Variants in SYTL1 observed in about 807,000 individuals in gnomAD.
SYTL1 encodes synaptotagmin like 1, also known as synaptotagmin-like protein 1.
SYTL1 carries 53 observed loss-of-function variants against 74.6 expected under a neutral mutation model. That is an observed-to-expected ratio of 0.71 (90% CI 0.57 to 0.89). SYTL1 has a LOEUF of 0.89. Ranked by LOEUF, SYTL1 falls within the 40% of genes least tolerant of loss-of-function variation. The probability of loss-of-function intolerance (pLI) is 0.00; values close to 1 mark genes in which losing one functional copy is unlikely to be tolerated. For missense variants in SYTL1, 728 were observed against 768.7 expected (o/e 0.95, Z 0.63); for synonymous variants, 329 against 324.9 (o/e 1.01, Z -0.14).
In SYTL1 at chr1:27,350,534, CCTT is replaced by C; in HGVS notation, c.1005+51_1005+53del. 1 of 1,504,540 alleles carries C rather than the reference CCTT, an allele frequency of 6.6e-7. No homozygotes were observed. 93.2% of individuals were successfully genotyped at this position (1,504,540 alleles called of 1,614,324 possible). A position where few individuals can be genotyped will look rare whatever the true frequency, so the allele number is the denominator to read the frequency against. On this transcript the variant is annotated intron_variant, in intron 10 of 14. Transcript: ENST00000616558. The surrounding 1 kb of genome is among the most constrained non-coding windows in gnomAD (Gnocchi z 6.3). Reference sequence around the variant, plus strand: ...TTCCCCGTTAATGAACTGGACGCCCCCTTCCTGCGGGGCTAGGTGGCAAGGGCA... The same window carrying C: ...TTCCCCGTTAATGAACTGGACGCCCCCCTGCGGGGCTAGGTGGCAAGGGCA...
Position 27,350,339 on chromosome 1 carries a change from G to C in SYTL1, c.909-50G>C, listed in dbSNP as rs982429284. ...TGGCTGGGGGAGCCCACAGGCAGGG[G>C]AGAAGGCTCTGGGAGGGCCCCTCCT... On this transcript the variant is annotated intron_variant, in intron 9 of 14. Coordinates refer to ENST00000616558, the MANE Select transcript of SYTL1 (RefSeq NM_001193308.2). This position sits in a 1 kb window ranked among gnomAD's most constrained non-coding sequence, Gnocchi z 6.3. 4 of 1,561,426 alleles carry C rather than the reference G, an allele frequency of 2.6e-6. No homozygotes were observed. Among genetic ancestry groups the C allele is most frequent in the South Asian group, 1.1e-5 (1 of 90,084 alleles).
Position 27,348,977 on chromosome 1 carries a change from T to G in SYTL1, c.460-103T>G, listed in dbSNP as rs1406922757. ...CGGAGGGCTGCCCTAAACCTGAAACTGGGGTAGCTGGCTGGAGCCCTATGA... is the reference window on the plus strand; with the variant it reads ...CGGAGGGCTGCCCTAAACCTGAAACGGGGGTAGCTGGCTGGAGCCCTATGA... On this transcript the variant is annotated intron_variant, in intron 5 of 14. Coordinates refer to ENST00000616558, the MANE Select transcript of SYTL1 (RefSeq NM_001193308.2). This position sits in a 1 kb window ranked among gnomAD's most constrained non-coding sequence, Gnocchi z 4.1. 8 of 913,284 alleles carry G rather than the reference T, an allele frequency of 8.8e-6. No individual in the cohort carries two copies. Among genetic ancestry groups the G allele is most frequent in the Non-Finnish European group, 1.4e-5 (8 of 591,820 alleles). 56.6% of individuals were successfully genotyped at this position (913,284 alleles called of 1,614,324 possible).
At position 27,350,023 on chromosome 1, in the gene SYTL1, C is replaced by T; in HGVS notation, c.799C>T (p.Arg267Cys). Residue 267 changes from arginine to cysteine, a missense_variant, in exon 9 of 15, where the codon CGC (arginine) becomes TGC (cysteine). Physicochemically the swap from Arg to Cys is radical, Grantham distance 180. Coordinates refer to ENST00000616558, the MANE Select transcript of SYTL1 (RefSeq NM_001193308.2). The surrounding 1 kb of genome is among the most constrained non-coding windows in gnomAD (Gnocchi z 6.3). ...LSGDAEAVQV[R>C]GSVHFALHYE... ...AGGCGACGCGGAGGCGGTGCAGGTCCGCGGCTCCGTGCACTTCGCGCTGCA... is the reference window on the plus strand; with the variant it reads ...AGGCGACGCGGAGGCGGTGCAGGTCTGCGGCTCCGTGCACTTCGCGCTGCA... 6.4e-7 allele frequency: 1 copy of T among 1,552,154 alleles called. No individual in the cohort carries two copies. The highest frequency in any genetic ancestry group is 1.2e-5 in the South Asian group (1 of 85,320).
chr1:27,351,451 C>A lies in SYTL1; in HGVS notation c.1244-5C>A. 2 of 1,523,218 alleles carry A rather than the reference C, an allele frequency of 1.3e-6. No homozygotes were observed. The highest frequency in any genetic ancestry group is 1.2e-5 in the South Asian group (1 of 80,528). The allele number at this position is 1,523,218 out of a possible 1,614,324, so 94.4% of individuals were successfully genotyped here. ...TGTGCGGGCCTGAGCCGAGCCTCTC[C>A]GCAGGCGCAGGACTGCCCCCGAGCG... On this transcript the variant is annotated splice_region_variant and splice_polypyrimidine_tract_variant and intron_variant, in intron 12 of 14. Coordinates refer to ENST00000616558, the MANE Select transcript of SYTL1 (RefSeq NM_001193308.2). The surrounding 1 kb of genome is among the most constrained non-coding windows in gnomAD (Gnocchi z 5.0).
intron 8 of SYTL1, 83 bp from the exon 9 acceptor site, chr1:27,349,889 C>G: frequency 6.5e-7 from 1 of 1,539,398 alleles, no homozygotes; most frequent in East Asian, 2.4e-5. Context: ...CACCTATGAC[C>G]CGGGTCTGAA....
rs771758096 is a variant in SYTL1 at position 27,353,362 on chromosome 1, C to T, written c.1423C>T (p.His475Tyr). The change falls in exon 14 of 15, where the codon CAC becomes TAC. Residue 475 changes from histidine to tyrosine, a missense_variant. His to Tyr is a moderately conservative substitution (Grantham distance 83). Coordinates refer to ENST00000616558, the MANE Select transcript of SYTL1 (RefSeq NM_001193308.2). The part of the protein sequence containing the change: ...VRRSLSPVFN[H>Y]TMVYDGFGPA... Reference sequence around the variant, plus strand: ...ACGCAGCCTCAGCCCTGTGTTCAATCACACCATGGTGTACGATGGCTTTGG... The same window carrying T: ...ACGCAGCCTCAGCCCTGTGTTCAATTACACCATGGTGTACGATGGCTTTGG... The T allele has an allele frequency of 1.9e-6, 3 of 1,611,414 alleles. No individual in the cohort carries two copies. The highest frequency in any genetic ancestry group is 2.2e-5 in the South Asian group (2 of 90,266).
chr1:27,353,153 G>A lies in SYTL1; in HGVS notation c.1344-130G>A, dbSNP rs1031488899. 9.9e-6 allele frequency: 9 copies of A among 908,252 alleles called. No individual in the cohort carries two copies. In the African/African-American group the frequency reaches 1.5e-4, roughly 15 times the overall value. The allele number at this position is 908,252 out of a possible 1,614,324, so 56.3% of individuals were successfully genotyped here. ...GGTGCAAAGGTCCCAGGGCAGTGAG[G>A]GTCTAAGGCCAGGCAGGCAGGAGCC... On this transcript the variant is annotated intron_variant, in intron 13 of 14. Transcript: ENST00000616558.
rs780387116 is a variant in SYTL1, at chr1:27,350,110, G to A, written c.886G>A (p.Ala296Thr). Reference protein sequence around the residue: ...HVIQCQGLAAARRRRSDPYVK... With the variant: ...HVIQCQGLAATRRRRSDPYVK... The stretch of plus-strand genomic sequence containing the variant: ...GATCCAGTGCCAGGGCCTGGCCGCC[G>A]CCCGGCGCCGCCGCTCGGACCCGTG... The change falls in exon 9 of 15, where the codon GCC becomes ACC. Residue 296 changes from alanine to threonine, a missense_variant. Physicochemically the swap from Ala to Thr is moderately conservative, Grantham distance 58 (BLOSUM62 0). Coordinates refer to ENST00000616558, the MANE Select transcript of SYTL1 (RefSeq NM_001193308.2). The surrounding 1 kb of genome is among the most constrained non-coding windows in gnomAD (Gnocchi z 6.3). 1 of 1,393,818 alleles carries A rather than the reference G, an allele frequency of 7.2e-7. No individual in the cohort carries two copies. Among genetic ancestry groups the A allele is most frequent in the Middle Eastern group, 1.9e-4 (1 of 5,246 alleles). The allele number at this position is 1,393,818 out of a possible 1,614,324, so 86.3% of individuals were successfully genotyped here. A position where few individuals can be genotyped will look rare whatever the true frequency, so the allele number is the denominator to read the frequency against.
In SYTL1 at chr1:27,350,061, C is replaced by G. The variant is rs1230235165; in HGVS notation, c.837C>G (p.Gly279=). ...ACTTCGCGCTGCACTACGAGCCGGG[C>G]GCCGCCGAGCTGCGCGTGCACGTGA... ...SVHFALHYEP[G]AAELRVHVIQ... is the part of the protein sequence containing the mutation. Residue 279 remains glycine (G), a synonymous_variant, in exon 9 of 15, where the codon GGC becomes GGG. Coordinates refer to ENST00000616558, the MANE Select transcript of SYTL1 (RefSeq NM_001193308.2). This position sits in a 1 kb window ranked among gnomAD's most constrained non-coding sequence, Gnocchi z 6.3. The G allele has an allele frequency of 1.3e-6, 2 of 1,506,200 alleles. No individual in the cohort carries two copies. The highest frequency in any genetic ancestry group is 2.9e-5 in the African/African-American group (2 of 68,712). 93.3% of individuals were successfully genotyped at this position (1,506,200 alleles called of 1,614,324 possible). A position where few individuals can be genotyped will look rare whatever the true frequency, so the allele number is the denominator to read the frequency against.
intron 1 of SYTL1, among the ~76,000 whole-genome samples, chr1:27,344,359 TC>T (rs2014904428): frequency 6.6e-6 from 1 of 152,022 alleles, no homozygotes; most frequent in South Asian, 2.1e-4. Flanking sequence ...CGCCTTGGCA[TC>T]CCAAAGTGCT....
At position 27,353,794 on chromosome 1, in the gene SYTL1, C is replaced by T. The variant is rs760912371; in HGVS notation, c.1631C>T (p.Pro544Leu). The T allele has an allele frequency of 3.1e-5, 50 of 1,614,016 alleles. No homozygotes were observed. Among genetic ancestry groups the T allele is most frequent in the Non-Finnish European group, 3.9e-5 (46 of 1,179,934 alleles). Residue 544 changes from proline (P) to leucine (L), a missense_variant, in exon 15 of 15, where the codon CCG (proline) becomes CTG (leucine). Pro to Leu is a moderately conservative substitution (Grantham distance 98). Transcript: ENST00000616558. ...KQLWQALLEQ[P>L]CEWVDGLLPL... ...CTGTGGCAAGCCCTCCTGGAGCAGC[C>T]GTGCGAATGGGTGGATGGCCTTCTA...
rs750491261 is a variant in SYTL1 at position 27,349,132 on chromosome 1, A to C, written c.512A>C (p.Glu171Ala). The C allele has an allele frequency of 3.1e-6, 5 of 1,613,848 alleles. No individual in the cohort carries two copies. The highest frequency in any genetic ancestry group is 4.2e-6 in the Non-Finnish European group (5 of 1,179,846). The change falls in exon 6 of 15, where the codon GAG (glutamate) becomes GCG (alanine). Residue 171 changes from glutamate (E) to alanine (A), a missense_variant. By Grantham distance (107) the Glu-to-Ala change is moderately radical (BLOSUM62 -1). Transcript: ENST00000616558. ...CCCCTAAAGGCTTCAGATCCTGAGG[A>C]GGCGTCCCAGGCCCAGGAAGGTGAG... ...SVPLKASDPEEASQAQEDPGQ... is the reference protein window; with the variant it reads ...SVPLKASDPEAASQAQEDPGQ...
Position 27,350,055 on chromosome 1 carries a change from G to A in SYTL1, c.831G>A (p.Glu277=). The change falls in exon 9 of 15, where the codon GAG becomes GAA. Residue 277 remains glutamate (E), a synonymous_variant. Coordinates refer to ENST00000616558, the MANE Select transcript of SYTL1 (RefSeq NM_001193308.2). This position sits in a 1 kb window ranked among gnomAD's most constrained non-coding sequence, Gnocchi z 6.3. ...RGSVHFALHY[E]PGAAELRVHV... ...CCGTGCACTTCGCGCTGCACTACGA[G>A]CCGGGCGCCGCCGAGCTGCGCGTGC... 12 of 1,510,846 alleles carry A rather than the reference G, an allele frequency of 7.9e-6. No individual in the cohort carries two copies. Among genetic ancestry groups the A allele is most frequent in the Non-Finnish European group, 1.1e-5 (12 of 1,138,120 alleles). 93.6% of individuals were successfully genotyped at this position (1,510,846 alleles called of 1,614,324 possible).
chr1:27,349,883 T>TATGACCC, intron 8 of SYTL1, 89 bp from the exon 9 acceptor site: 1 of 1,537,380 alleles, frequency 6.5e-7, no homozygotes, highest in Non-Finnish European at 8.7e-7. Context: ...GCCTGCCACC[T>TATGACCC]ATGACCCGGG....
Position 27,351,404 on chromosome 1 carries a change from TG to T in SYTL1, c.1244-47del. On this transcript the variant is annotated intron_variant, in intron 12 of 14. Coordinates refer to ENST00000616558, the MANE Select transcript of SYTL1 (RefSeq NM_001193308.2). The surrounding 1 kb of genome is among the most constrained non-coding windows in gnomAD (Gnocchi z 5.0). ...AGCGGGAGACTCCAGTCCCCGGGTT[TG>T]GGGGCGGTGGACTCCATCCGTGTGC... 6.6e-7 allele frequency: 1 copy of T among 1,504,656 alleles called. No homozygotes were observed. Among genetic ancestry groups the T allele is most frequent in the Non-Finnish European group, 8.9e-7 (1 of 1,121,176 alleles). The allele number at this position is 1,504,656 out of a possible 1,614,324, so 93.2% of individuals were successfully genotyped here.
rs1483273656 is a variant in SYTL1 at position 27,351,654 on chromosome 1, TG to T, written c.1343+102del. 3 of 804,196 alleles carry T rather than the reference TG, an allele frequency of 3.7e-6. No homozygotes were observed. The highest frequency in any genetic ancestry group is 5.8e-6 in the Non-Finnish European group (3 of 519,274). 49.8% of individuals were successfully genotyped at this position (804,196 alleles called of 1,614,324 possible). A position where few individuals can be genotyped will look rare whatever the true frequency, so the allele number is the denominator to read the frequency against. On this transcript the variant is annotated intron_variant, in intron 13 of 14. Transcript: ENST00000616558. The surrounding 1 kb of genome is among the most constrained non-coding windows in gnomAD (Gnocchi z 5.0). ...CTAATCAACCTTTGATCACGCAGCCTGGGCTTTCACCACTGAGCAGGGGTGA... is the reference window on the plus strand; with the variant it reads ...CTAATCAACCTTTGATCACGCAGCCTGGCTTTCACCACTGAGCAGGGGTGA...
rs2015249490 is a variant in SYTL1 at position 27,351,054 on chromosome 1, C to A, written c.1164+102C>A. The A allele has an allele frequency of 1.4e-6, 2 of 1,429,798 alleles. No individual in the cohort carries two copies. Among genetic ancestry groups the A allele is most frequent in the Middle Eastern group, 2.4e-4 (1 of 4,212 alleles). 88.6% of individuals were successfully genotyped at this position (1,429,798 alleles called of 1,614,324 possible). A position where few individuals can be genotyped will look rare whatever the true frequency, so the allele number is the denominator to read the frequency against. On this transcript the variant is annotated intron_variant, in intron 11 of 14. Coordinates refer to ENST00000616558, the MANE Select transcript of SYTL1 (RefSeq NM_001193308.2). This position sits in a 1 kb window ranked among gnomAD's most constrained non-coding sequence, Gnocchi z 5.0. ...CCCTCACACCCCGCCTTCGACAGAA[C>A]CTCCCCTCAACCTCTTAACCTCATG... is the stretch of plus-strand genomic sequence containing the variant.
chr1:27,352,382 G>A (rs1459332864), intron 13 of SYTL1: 1 of 152,112 alleles, frequency 6.6e-6, no homozygotes, highest in Non-Finnish European at 1.5e-5. Context: ...AGGGGTGGTG[G>A]TGGAGCAACA....
chr1:27,347,530 C>T lies in SYTL1; in HGVS notation c.301C>T (p.Leu101Phe). 1.2e-6 allele frequency: 2 copies of T among 1,614,114 alleles called. No homozygotes were observed. Among genetic ancestry groups the T allele is most frequent in the Non-Finnish European group, 1.7e-6 (2 of 1,180,046 alleles). ...CCACAATGCCCACTTCGGCTCTGAC[C>T]TTGTCCGAGCGTCTATGCGCAGGAA... ...RHHNAHFGSDLVRASMRRKKS... is the reference protein window; with the variant it reads ...RHHNAHFGSDFVRASMRRKKS... Residue 101 changes from leucine (L) to phenylalanine (F), a missense_variant, in exon 3 of 15, where the codon CTT becomes TTT. Physicochemically the swap from Leu to Phe is conservative, Grantham distance 22 (BLOSUM62 0). Coordinates refer to ENST00000616558, the MANE Select transcript of SYTL1 (RefSeq NM_001193308.2). The surrounding 1 kb of genome is among the most constrained non-coding windows in gnomAD (Gnocchi z 4.9).
Sources: allele counts gnomAD v4.1 joint callset (sites outside exome capture counted in the v4.1 genomes callset), GRCh38; gene constraint gnomAD v4.1.1; non-coding constraint Gnocchi (gnomAD v3.1); transcripts MANE v1.5; gene names NCBI Gene and HGNC (gene_info 2026-07-23, HGNC 2026-07-21).